The following P3H4 variants were observed in gnomAD, a reference collection of about 807,000 sequenced individuals.
P3H4 encodes endoplasmic reticulum protein SC65.
Under a neutral mutation model 52.9 loss-of-function variants are expected in P3H4, and 47 were observed. The observed-to-expected ratio is 0.89, with a 90% CI of 0.70 to 1.13. P3H4 has a LOEUF of 1.13. P3H4 is among the 50% of genes most tolerant of loss of function. The pLI is 0.00. For synonymous variants in P3H4, 256 were observed against 267.9 expected (o/e 0.96, Z 0.44); for missense variants, 585 against 611.0 (o/e 0.96, Z 0.45).
At chr17:41,807,022 G>C in intron 5 of P3H4, 143 bp from the exon 6 acceptor site, 6 of 637,750 alleles carry the variant, frequency 9.4e-6, no homozygotes, top group Non-Finnish European at 1.7e-5. Flanking sequence ...AAGCTCATCA[G>C]ATCATCGTGG....
At chr17:41,805,357 C>T (rs562688502) in intron 6 of P3H4, among the ~76,000 whole-genome samples, 248 of 151,594 alleles carry the variant, frequency 1.6e-3, no homozygotes, top group South Asian at 0.01. Context: ...GACAGAGTCT[C>T]AATCTGTCAC....
Position 41,811,645 on chromosome 17 carries a change from G to A in P3H4, c.271C>T (p.Pro91Ser), listed in dbSNP as rs1180089028. The A allele has an allele frequency of 2.1e-6, 3 of 1,450,420 alleles. No homozygotes were observed. The highest frequency in any genetic ancestry group is 2.7e-6 in the Non-Finnish European group (3 of 1,112,558). 89.8% of individuals were successfully genotyped at this position (1,450,420 alleles called of 1,614,324 possible). The change falls in exon 1 of 8, where the codon CCC (proline) becomes TCC (serine). Residue 91 changes from proline (P) to serine (S), a missense_variant. Pro to Ser is a moderately conservative substitution (Grantham distance 74). Transcript: ENST00000393928. This position sits in a 1 kb window ranked among gnomAD's most constrained non-coding sequence, Gnocchi z 4.8. Reference sequence around the variant, plus strand: ...CACTCGTCTGCGCGGCCGCCGTCGGGATCGGGCTTGGCCGCGGGCGCGGGG... The same window carrying A: ...CACTCGTCTGCGCGGCCGCCGTCGGAATCGGGCTTGGCCGCGGGCGCGGGG... Reference protein sequence around the residue: ...SGPAPAAKPDPDGGRADEWAC... With the variant: ...SGPAPAAKPDSDGGRADEWAC...
At position 41,811,258 on chromosome 17, in the gene P3H4, C is replaced by T. The variant is rs782378246; in HGVS notation, c.489G>A (p.Ala163=). ...TCCTCTGGAGGAAGGTGTAGGCCGC[C>T]GCCACCGCCTTCTCCAGCCGGTTAG... is the stretch of plus-strand genomic sequence containing the variant. ...FKANRLEKAV[A]AAYTFLQRNP... is the part of the protein sequence containing the mutation. The change falls in exon 2 of 8, where the codon GCG becomes GCA. Residue 163 remains alanine (A), a synonymous_variant. Coordinates refer to ENST00000393928, the MANE Select transcript of P3H4 (RefSeq NM_006455.3). The surrounding 1 kb of genome is among the most constrained non-coding windows in gnomAD (Gnocchi z 4.8). 4 of 1,613,602 alleles carry T rather than the reference C, an allele frequency of 2.5e-6. No homozygotes were observed. Among genetic ancestry groups the T allele is most frequent in the Non-Finnish European group, 2.5e-6 (3 of 1,179,984 alleles).
intron 5 of P3H4, 111 bp from the exon 6 acceptor site, chr17:41,806,990 C>T: frequency 1.3e-6 from 1 of 760,948 alleles, no homozygotes; most frequent in Non-Finnish European, 2.3e-6. Context: ...GCTCAAGGAT[C>T]AGAGAATAGG....
intron 6 of P3H4, among the ~76,000 whole-genome samples, chr17:41,804,398 G>A (rs998807996): frequency 3.3e-5 from 5 of 152,032 alleles, no homozygotes; most frequent in Non-Finnish European, 7.4e-5. Context: ...GGCTGAGGTC[G>A]GTGGATCATT....
chr17:41,802,143 C>T lies in P3H4; in HGVS notation c.*814G>A, dbSNP rs1780048173. On this transcript the variant is annotated 3_prime_UTR_variant, in exon 8 of 8. Transcript: ENST00000393928. ...GCTCAGCAGTGAGGAGGGCGGACCCCATCAGCCCACTTGCCAACCTGCAAT... is the reference window on the plus strand; with the variant it reads ...GCTCAGCAGTGAGGAGGGCGGACCCTATCAGCCCACTTGCCAACCTGCAAT... 6.6e-6 allele frequency: 1 copy of T among 152,398 alleles called. No homozygotes were observed. Among genetic ancestry groups the T allele is most frequent in the Non-Finnish European group, 1.5e-5 (1 of 68,208 alleles). The allele number at this position is 152,398 out of a possible 1,614,324, so 9.4% of individuals were successfully genotyped here. A position where few individuals can be genotyped will look rare whatever the true frequency, so the allele number is the denominator to read the frequency against.
rs782392118 is a variant in P3H4, at chr17:41,810,981, G to C, written c.669C>G (p.Ser223Arg). 1 of 1,614,180 alleles carries C rather than the reference G, an allele frequency of 6.2e-7. No homozygotes were observed. Residue 223 changes from serine to arginine, a missense_variant, in exon 3 of 8, where the codon AGC becomes AGG. Physicochemically the swap from Ser to Arg is moderately radical, Grantham distance 110 (BLOSUM62 -1). Transcript: ENST00000393928. ...KLYNSGDFRSSTEDMERALSE... is the reference protein window; with the variant it reads ...KLYNSGDFRSRTEDMERALSE... ...ACAAGGCCCGCTCCATGTCCTCCGT[G>C]CTGCTGCGGAAATCCCCGCTGTTGT...
At chr17:41,810,645 C>T (rs570649003) in intron 3 of P3H4, 13 of 561,750 alleles carry the variant, frequency 2.3e-5, no homozygotes, top group African/African-American at 1.7e-4. Flanking sequence ...CCCAAGCTTC[C>T]CAAACCCTTT....
intron 6 of P3H4, among the ~76,000 whole-genome samples, 186 bp from the exon 7 acceptor site, chr17:41,803,617 G>C (rs1567847086): frequency 8.1e-6 from 1 of 123,946 alleles, no homozygotes; most frequent in African/African-American, 2.8e-5. Flanking sequence ...TCCCTGAGTG[G>C]CTGCATAGGG....
In P3H4 at chr17:41,802,851, C is replaced by T. The variant is rs1159704569; in HGVS notation, c.*106G>A. On this transcript the variant is annotated 3_prime_UTR_variant, in exon 8 of 8. Transcript: ENST00000393928. The stretch of plus-strand genomic sequence containing the variant: ...ACAGGTGTGAGCCACCGCACCTGGC[C>T]CATCTTAAGTTTTTAATAAATAGTT... 7 of 1,221,226 alleles carry T rather than the reference C, an allele frequency of 5.7e-6. No individual in the cohort carries two copies. The Admixed American group carries it at 1.3e-4, about 23-fold the overall frequency. 75.6% of individuals were successfully genotyped at this position (1,221,226 alleles called of 1,614,324 possible).
chr17:41,803,191 C>A, intron 7 of P3H4, 96 bp downstream of exon 7: 3 of 1,524,734 alleles, frequency 2.0e-6, no homozygotes, highest in Non-Finnish European at 2.6e-6. Flanking sequence ...AGCACCCACA[C>A]ACACCCTGGG....
At chr17:41,806,664 C>G in intron 6 of P3H4, 132 bp downstream of exon 6, 1 of 706,676 alleles carries the variant, frequency 1.4e-6, no homozygotes, top group Non-Finnish European at 2.5e-6. Flanking sequence ...AGACAAGGAA[C>G]AGGCAAACCT....
intron 6 of P3H4, among the ~76,000 whole-genome samples, chr17:41,805,051 C>T (rs560117075): frequency 4.8e-4 from 72 of 151,538 alleles, no homozygotes; most frequent in Non-Finnish European, 8.7e-4. Context: ...TCTGGGAGGC[C>T]GAGGTGGGTG....
At chr17:41,810,593 A>G in intron 3 of P3H4, 1 of 451,876 alleles carries the variant, frequency 2.2e-6, no homozygotes, top group Non-Finnish European at 4.0e-6. Context: ...TCACCGCTGC[A>G]CCTTTGCATC....
intron 6 of P3H4, 131 bp downstream of exon 6, chr17:41,806,665 A>C: frequency 1.4e-6 from 1 of 710,218 alleles, no homozygotes; most frequent in Non-Finnish European, 2.5e-6. Flanking sequence ...GACAAGGAAC[A>C]GGCAAACCTC....
chr17:41,809,729 T>C lies in P3H4; in HGVS notation c.893A>G (p.Tyr298Cys), dbSNP rs1319280597. 5 of 1,613,346 alleles carry C rather than the reference T, an allele frequency of 3.1e-6. No individual in the cohort carries two copies. In the Admixed American group the frequency reaches 5.0e-5, roughly 16 times the overall value. The change falls in exon 4 of 8, where the codon TAC becomes TGC. Residue 298 changes from tyrosine (Y) to cysteine (C), a missense_variant. Tyr to Cys is a radical substitution (Grantham distance 194). Coordinates refer to ENST00000393928, the MANE Select transcript of P3H4 (RefSeq NM_006455.3). ...ACACTTATAGTAGGCAAACTGCAGGTAGTGGTACATGGTGGCCACGAACTT... is the reference window on the plus strand; with the variant it reads ...ACACTTATAGTAGGCAAACTGCAGGCAGTGGTACATGGTGGCCACGAACTT... ...VDKFVATMYHYLQFAYYKLND... is the reference protein window; with the variant it reads ...VDKFVATMYHCLQFAYYKLND...
Position 41,809,702 on chromosome 17 carries a change from T to G in P3H4, c.916+4A>C. 1 of 1,612,270 alleles carries G rather than the reference T, an allele frequency of 6.2e-7. No individual in the cohort carries two copies. The highest frequency in any genetic ancestry group is 8.5e-7 in the Non-Finnish European group (1 of 1,179,322). ...GCCCAAGCCAGCCCACCCAGGGGGC[T>G]CACACTTATAGTAGGCAAACTGCAG... On this transcript the variant is annotated splice_donor_region_variant and intron_variant, in intron 4 of 7. Coordinates refer to ENST00000393928, the MANE Select transcript of P3H4 (RefSeq NM_006455.3).
intron 6 of P3H4, among the ~76,000 whole-genome samples, chr17:41,806,083 G>GGTA (rs1555614143): frequency 6.6e-6 from 1 of 152,036 alleles, no homozygotes. Flanking sequence ...GCCAGGCGTG[G>GGTA]TGGTGCACGC....
rs782022907 is a variant in P3H4 at position 41,811,128 on chromosome 17, C to T, written c.615+4G>A. ...ACAAGCCTCCTCCTGACCCTCCACC[C>T]CACCTCGTAGGGCTGGGCCTCTAGG... On this transcript the variant is annotated splice_donor_region_variant and intron_variant, in intron 2 of 7. Coordinates refer to ENST00000393928, the MANE Select transcript of P3H4 (RefSeq NM_006455.3). This position sits in a 1 kb window ranked among gnomAD's most constrained non-coding sequence, Gnocchi z 4.8. 2 of 1,614,162 alleles carry T rather than the reference C, an allele frequency of 1.2e-6. No individual in the cohort carries two copies. Among genetic ancestry groups the T allele is most frequent in the South Asian group, 2.2e-5 (2 of 91,088 alleles).
Sources: gnomAD v4.1 joint callset for allele counts (sites outside exome capture counted in the v4.1 genomes callset) on GRCh38, gnomAD v4.1.1 for gene constraint, Gnocchi (gnomAD v3.1) non-coding constraint, MANE v1.5 for transcripts, NCBI Gene and HGNC (gene_info 2026-07-23, HGNC 2026-07-21) for gene names.